The following EMP2 variants were observed in gnomAD, a reference collection of about 807,000 sequenced individuals.
EMP2 encodes epithelial membrane protein 2.
EMP2 carries 19 observed loss-of-function variants against 13.7 expected under a neutral mutation model. That is an observed-to-expected ratio of 1.38 (90% CI 0.97 to 2.03). EMP2 has a LOEUF of 2.03. Ranked by LOEUF, EMP2 falls within the 30% of genes most tolerant of loss-of-function variation. EMP2 has a pLI of 0.00. For synonymous variants in EMP2, 97 were observed against 84.7 expected, an observed-to-expected ratio of 1.15 and a Z score of -0.80; for missense variants, 253 against 220.7, an observed-to-expected ratio of 1.15 and a Z score of -0.93.
intron 1 of EMP2, 53 bp from the exon 2 acceptor site, chr16:10,547,730 T>G: frequency 9.3e-7 from 1 of 1,076,862 alleles, no homozygotes; most frequent in South Asian, 1.5e-5. Flanking sequence ...AAAACAAAAT[T>G]ACAATAAAAA....
chr16:10,540,190 G>T (rs2050683386), intron 3 of EMP2, among the ~76,000 whole-genome samples: 1 of 152,192 alleles, frequency 6.6e-6, no homozygotes. Context: ...GAATGAGAGG[G>T]ATGCTCACTT....
chr16:10,560,108 A>C (rs2050861214), intron 1 of EMP2, among the ~76,000 whole-genome samples: 1 of 152,224 alleles, frequency 6.6e-6, no homozygotes, highest in Non-Finnish European at 1.5e-5. Context: ...TATCTAGCCC[A>C]CTTAAATCTG....
chr16:10,544,845 A>G (rs1486565477), intron 2 of EMP2: 1 of 152,270 alleles, frequency 6.6e-6, no homozygotes, highest in African/African-American at 2.4e-5. Context: ...TGATCGCAAC[A>G]CTACACTCCA....
chr16:10,573,697 A>G lies in EMP2; in HGVS notation c.-61+6852T>C, dbSNP rs150380288. Reference sequence around the variant, plus strand: ...GCTTGAGATAAGATTGTATCCTTTCAATCCAGTTCCTTCCCTACCACCCCA... The same window carrying G: ...GCTTGAGATAAGATTGTATCCTTTCGATCCAGTTCCTTCCCTACCACCCCA... On this transcript the variant is annotated intron_variant, in intron 1 of 4. Coordinates refer to ENST00000359543, the MANE Select transcript of EMP2 (RefSeq NM_001424.6). Among the ~76,000 whole-genome samples the G allele has an allele frequency of 2.7e-3, 409 of 152,314 alleles. 2 individuals carry two copies. Among genetic ancestry groups the G allele is most frequent in the African/African-American group, 9.3e-3 (385 of 41,554 alleles).
At chr16:10,554,769 C>G (rs919899234) in intron 1 of EMP2, among the ~76,000 whole-genome samples, 1 of 152,138 alleles carries the variant, frequency 6.6e-6, no homozygotes, top group African/African-American at 2.4e-5. Context: ...GTCTCGGTTC[C>G]CCTGAACACG....
chr16:10,539,019 G>A (rs562279007), intron 3 of EMP2, among the ~76,000 whole-genome samples: 142 of 151,996 alleles, frequency 9.3e-4, no homozygotes, highest in Non-Finnish European at 1.6e-3. Flanking sequence ...TGTTGCTCAC[G>A]GTGGTCTTGA....
chr16:10,533,655 T>G (rs1296953722), intron 4 of EMP2, among the ~76,000 whole-genome samples: 1 of 152,184 alleles, frequency 6.6e-6, no homozygotes, highest in Non-Finnish European at 1.5e-5. Flanking sequence ...ATAGTGGCAG[T>G]GTTACAATAA....
chr16:10,539,269 C>A (rs2050675713), intron 3 of EMP2, among the ~76,000 whole-genome samples: 1 of 151,834 alleles, frequency 6.6e-6, no homozygotes, highest in Non-Finnish European at 1.5e-5. Context: ...TTTTTTCCTT[C>A]AATTTTGCAG....
intron 1 of EMP2, among the ~76,000 whole-genome samples, chr16:10,551,381 A>G (rs886602278): frequency 2.6e-5 from 4 of 152,206 alleles, no homozygotes; most frequent in African/African-American, 4.8e-5. Context: ...GAGTTTAAGC[A>G]TTCACTGATA....
intron 2 of EMP2, chr16:10,544,933 T>A (rs1280394186): frequency 2.0e-5 from 3 of 152,172 alleles, no homozygotes; most frequent in African/African-American, 7.2e-5. Context: ...GACAAGATTC[T>A]CCTGTCTTCA....
chr16:10,570,147 A>T (rs774602114), intron 1 of EMP2, among the ~76,000 whole-genome samples: 1 of 152,126 alleles, frequency 6.6e-6, no homozygotes, highest in Non-Finnish European at 1.5e-5. Flanking sequence ...GGCTTAAACA[A>T]ATACCATCAG....
At chr16:10,557,696 C>A (rs1291765084) in intron 1 of EMP2, among the ~76,000 whole-genome samples, 1 of 152,090 alleles carries the variant, frequency 6.6e-6, no homozygotes, top group Non-Finnish European at 1.5e-5. Flanking sequence ...ATTGTAGATA[C>A]CATGGTGAGC....
chr16:10,550,351 C>G (rs1380639984), intron 1 of EMP2, among the ~76,000 whole-genome samples: 2 of 152,188 alleles, frequency 1.3e-5, no homozygotes, highest in Non-Finnish European at 2.9e-5. Context: ...CAAGCTGATA[C>G]ACTGCATTTT....
At chr16:10,559,832 G>A (rs865910257) in intron 1 of EMP2, among the ~76,000 whole-genome samples, 84 of 152,100 alleles carry the variant, frequency 5.5e-4, no homozygotes, top group African/African-American at 2.0e-3. Flanking sequence ...CTGCCACCAT[G>A]CCTGGCTAGT....
chr16:10,547,685 G>A lies in EMP2; in HGVS notation c.-60-8C>T, dbSNP rs1282291019. On this transcript the variant is annotated splice_region_variant and splice_polypyrimidine_tract_variant and intron_variant, in intron 1 of 4. Transcript: ENST00000359543. ...AGCCCAGAGCGGGATGTGCTGAAGA[G>A]GGTAAGAAAGAGAAATTCAAAATCT... is the stretch of plus-strand genomic sequence containing the variant. The A allele has an allele frequency of 2.7e-6, 4 of 1,471,724 alleles. No homozygotes were observed. In the African/African-American group the frequency reaches 5.7e-5, roughly 21 times the overall value. 91.2% of individuals were successfully genotyped at this position (1,471,724 alleles called of 1,614,324 possible).
chr16:10,556,304 T>C (rs2050827279), intron 1 of EMP2, among the ~76,000 whole-genome samples: 1 of 152,132 alleles, frequency 6.6e-6, no homozygotes, highest in African/African-American at 2.4e-5. Context: ...TCATTTCAAG[T>C]CTTCTGTTGC....
chr16:10,558,451 C>T (rs902499348), intron 1 of EMP2, among the ~76,000 whole-genome samples: 9 of 150,676 alleles, frequency 6.0e-5, no homozygotes, highest in African/African-American at 2.2e-4. Flanking sequence ...TGCCGTCCAG[C>T]TATGCCTTAG....
At chr16:10,546,659 G>A (rs2050741731) in intron 2 of EMP2, 1 of 152,094 alleles carries the variant, frequency 6.6e-6, no homozygotes, top group Non-Finnish European at 1.5e-5. Flanking sequence ...CTCAACAGAG[G>A]GTGATTTTGT....
At chr16:10,570,169 G>A (rs1019867171) in intron 1 of EMP2, among the ~76,000 whole-genome samples, 1 of 151,592 alleles carries the variant, frequency 6.6e-6, no homozygotes, top group Non-Finnish European at 1.5e-5. Flanking sequence ...ACTAATGGCA[G>A]AGGAGAAAAC....
Sources: gnomAD v4.1 joint callset for allele counts (sites outside exome capture counted in the v4.1 genomes callset) on GRCh38, gnomAD v4.1.1 for gene constraint, MANE v1.5 for transcripts, NCBI Gene and HGNC (gene_info 2026-07-23, HGNC 2026-07-21) for gene names.